Variants in CYTIP observed in about 807,000 individuals in gnomAD.
The protein encoded by CYTIP is cytohesin 1 interacting protein, also known as cytohesin-interacting protein.
CYTIP carries 26 observed loss-of-function variants against 43.8 expected under a neutral mutation model. The ratio of observed to expected loss-of-function variants is 0.59; its 90% CI spans 0.44 to 0.82. The LOEUF is 0.82. Among genes scored for constraint, CYTIP ranks in the 40% least tolerant of loss-of-function variants. The pLI is 0.00. For synonymous variants in CYTIP, 162 were observed against 162.9 expected (o/e 0.99, Z 0.04); for missense variants, 426 against 443.1 (o/e 0.96, Z 0.35).
intron 6 of CYTIP, among the ~76,000 whole-genome samples, chr2:157,422,813 T>C (rs1439010676): frequency 1.3e-5 from 2 of 151,398 alleles, no homozygotes; most frequent in Non-Finnish European, 2.9e-5. Flanking sequence ...CAGATAGACA[T>C]GAAAAAGAAC....
chr2:157,433,593 T>C (rs1229219889), intron 3 of CYTIP, among the ~76,000 whole-genome samples: 2 of 151,534 alleles, frequency 1.3e-5, no homozygotes, highest in South Asian at 2.1e-4. Flanking sequence ...AAACGTACTA[T>C]GGAAAAAAAA....
chr2:157,434,059 GTATTTCACTCTCT>G, intron 3 of CYTIP: 1 of 397,404 alleles, frequency 2.5e-6, no homozygotes, highest in Non-Finnish European at 4.6e-6. Context: ...TCTGTAAAAT[GTATTTCACTCTCT>G]TATCTAAGAC....
intron 1 of CYTIP, among the ~76,000 whole-genome samples, chr2:157,436,766 T>C (rs900095128): frequency 2.0e-5 from 3 of 152,012 alleles, no homozygotes; most frequent in Non-Finnish European, 2.9e-5. Context: ...AATGGAGAAA[T>C]AGATAAAAAT....
intron 7 of CYTIP, among the ~76,000 whole-genome samples, chr2:157,416,872 A>G (rs1685446469): frequency 2.0e-5 from 3 of 152,096 alleles, no homozygotes; most frequent in Admixed American, 2.0e-4. Flanking sequence ...ATTGATCCTT[A>G]ACAACGTACA....
chr2:157,415,342 A>T lies in CYTIP; in HGVS notation c.*335T>A. 4.7e-6 allele frequency: 1 copy of T among 210,716 alleles called. No homozygotes were observed. The highest frequency in any genetic ancestry group is 9.7e-6 in the Non-Finnish European group (1 of 102,736). 13.1% of individuals were successfully genotyped at this position (210,716 alleles called of 1,614,324 possible). A position where few individuals can be genotyped will look rare whatever the true frequency, so the allele number is the denominator to read the frequency against. On this transcript the variant is annotated 3_prime_UTR_variant, in exon 8 of 8. Coordinates refer to ENST00000264192, the MANE Select transcript of CYTIP (RefSeq NM_004288.5). ...TCTGCCACACCTTTATTCATACTTG[A>T]CTCCAAAAAGTTCTCAATTATTCAC...
rs181757967 is a variant in CYTIP, at chr2:157,437,192, C to T, written c.175-2445G>A. Among the ~76,000 whole-genome samples, 4 of 151,882 alleles carry T rather than the reference C, an allele frequency of 2.6e-5. No homozygotes were observed. In the East Asian group the frequency reaches 7.7e-4, roughly 29 times the overall value. On this transcript the variant is annotated intron_variant, in intron 1 of 7. Coordinates refer to ENST00000264192, the MANE Select transcript of CYTIP (RefSeq NM_004288.5). ...ATGAATAAGACCTTCAAAAAACAGG[C>T]AACAAAAGCAAAAATAAACTAATGG...
rs1378743958 is a variant in CYTIP at position 157,415,990 on chromosome 2, T to C, written c.767A>G (p.Asp256Gly). 1.2e-6 allele frequency: 2 copies of C among 1,614,120 alleles called. No individual in the cohort carries two copies. The highest frequency in any genetic ancestry group is 2.2e-5 in the South Asian group (2 of 91,092). The change falls in exon 8 of 8, where the codon GAC becomes GGC. Residue 256 changes from aspartate (D) to glycine (G), a missense_variant. By Grantham distance (94) the Asp-to-Gly change is moderately conservative. Coordinates refer to ENST00000264192, the MANE Select transcript of CYTIP (RefSeq NM_004288.5). The stretch of plus-strand genomic sequence containing the variant: ...ACACGTCTGGTAGCCATCTTCACTG[T>C]CCATCGTCATGGAGCTCAGCCAGCT... ...CKSWLSSMTM[D>G]SEDGYQTCVS... is the part of the protein sequence containing the mutation.
chr2:157,421,435 T>C (rs1685520646), intron 6 of CYTIP, among the ~76,000 whole-genome samples: 1 of 152,270 alleles, frequency 6.6e-6, no homozygotes. Flanking sequence ...AGTACTTCAA[T>C]TGTGTTTTCA....
intron 6 of CYTIP, among the ~76,000 whole-genome samples, chr2:157,423,377 T>G (rs1207721103): frequency 6.6e-6 from 1 of 151,858 alleles, no homozygotes; most frequent in Non-Finnish European, 1.5e-5. Context: ...TGACAAAAAT[T>G]TAAAACATCA....
intron 6 of CYTIP, among the ~76,000 whole-genome samples, chr2:157,423,972 C>G (rs1490981698): frequency 1.3e-5 from 2 of 152,150 alleles, no homozygotes; most frequent in African/African-American, 4.8e-5. Flanking sequence ...TACCAGCAAA[C>G]TTCGTATAGA....
At chr2:157,430,729 G>T in intron 4 of CYTIP, 77 bp from the exon 5 acceptor site, 1 of 1,487,506 alleles carries the variant, frequency 6.7e-7, no homozygotes, top group Non-Finnish European at 9.4e-7. Flanking sequence ...GAAACAAGCA[G>T]CTCCAAGTCT....
At chr2:157,427,288 T>C in intron 6 of CYTIP, 63 bp downstream of exon 6, 1 of 1,376,622 alleles carries the variant, frequency 7.3e-7, no homozygotes, top group Non-Finnish European at 1.0e-6. Flanking sequence ...CAAATAGATC[T>C]TTATTTTACC....
At chr2:157,422,124 G>A (rs1685530524) in intron 6 of CYTIP, among the ~76,000 whole-genome samples, 1 of 152,138 alleles carries the variant, frequency 6.6e-6, no homozygotes, top group Non-Finnish European at 1.5e-5. Context: ...ACAGCCTCGT[G>A]ACCTGAGCCA....
At chr2:157,443,481 T>C (rs1685948860) in intron 1 of CYTIP, among the ~76,000 whole-genome samples, 1 of 152,158 alleles carries the variant, frequency 6.6e-6, no homozygotes, top group Admixed American at 6.5e-5. Flanking sequence ...GGACTGCAAG[T>C]AAGGATGGAA....
chr2:157,418,764 G>T (rs1429292512), intron 6 of CYTIP, among the ~76,000 whole-genome samples, 175 bp from the exon 7 acceptor site: 1 of 151,918 alleles, frequency 6.6e-6, no homozygotes, highest in African/African-American at 2.4e-5. Context: ...AGGATATTGA[G>T]AATACTATGC....
intron 3 of CYTIP, 139 bp downstream of exon 3, chr2:157,434,231 C>A: frequency 1.4e-6 from 1 of 737,522 alleles, no homozygotes; most frequent in Non-Finnish European, 2.4e-6. Flanking sequence ...AAAAACTACC[C>A]CCAAACAGCC....
intron 5 of CYTIP, among the ~76,000 whole-genome samples, chr2:157,428,430 G>A (rs1350247950): frequency 6.6e-6 from 1 of 152,164 alleles, no homozygotes; most frequent in East Asian, 1.9e-4. Flanking sequence ...TCTCCTTAAG[G>A]TGATCTTGAC....
rs1685425132 is a variant in CYTIP, at chr2:157,415,488, T to C, written c.*189A>G. 1.8e-6 allele frequency: 1 copy of C among 541,806 alleles called. No homozygotes were observed. The highest frequency in any genetic ancestry group is 1.9e-5 in the African/African-American group (1 of 52,670). The allele number at this position is 541,806 out of a possible 1,614,324, so 33.6% of individuals were successfully genotyped here. A position where few individuals can be genotyped will look rare whatever the true frequency, so the allele number is the denominator to read the frequency against. On this transcript the variant is annotated 3_prime_UTR_variant, in exon 8 of 8. Coordinates refer to ENST00000264192, the MANE Select transcript of CYTIP (RefSeq NM_004288.5). ...TTTAGTTTTCCTGTCTGCTTAGAAA[T>C]TGGCTGTTTAGGTTGAAAAATGATT...
At chr2:157,439,474 C>A (rs1223521958) in intron 1 of CYTIP, 1 of 151,768 alleles carries the variant, frequency 6.6e-6, no homozygotes, top group African/African-American at 2.4e-5. Context: ...AAAAAAAAGT[C>A]TTTCCTGCCC....
Sources: gnomAD v4.1 joint callset for allele counts (sites outside exome capture counted in the v4.1 genomes callset) on GRCh38, gnomAD v4.1.1 for gene constraint, MANE v1.5 for transcripts, NCBI Gene and HGNC (gene_info 2026-07-23, HGNC 2026-07-21) for gene names.